The following CLMN variants were observed in gnomAD, a reference collection of about 807,000 sequenced individuals.
CLMN encodes calmin (calponin-like, transmembrane).
Under a neutral mutation model 92.7 loss-of-function variants are expected in CLMN, and 57 were observed. The observed-to-expected ratio is 0.61, with a 90% confidence interval of 0.50 to 0.77. The LOEUF (loss-of-function observed/expected upper bound fraction) is 0.77. Among genes scored for constraint, CLMN ranks in the 30% least tolerant of loss-of-function variants. The pLI is 0.00. For missense variants in CLMN, 1,158 were observed against 1,237.5 expected (o/e 0.94, Z 0.96); for synonymous variants, 466 against 470.6 (o/e 0.99, Z 0.13).
intron 1 of CLMN, among the ~76,000 whole-genome samples, chr14:95,275,479 G>A (rs773580827): frequency 3.3e-5 from 5 of 152,078 alleles, no homozygotes; most frequent in African/African-American, 7.2e-5. Context: ...CCATGACAAC[G>A]TCTGGAAGTT....
At chr14:95,283,512 A>C (rs1900219674) in intron 1 of CLMN, among the ~76,000 whole-genome samples, 1 of 152,250 alleles carries the variant, frequency 6.6e-6, no homozygotes, top group Admixed American at 6.5e-5. Context: ...GCTCCAAAGA[A>C]GACAAGACAA....
At chr14:95,207,763 G>A (rs372400355) in intron 8 of CLMN, among the ~76,000 whole-genome samples, 3 of 152,190 alleles carry the variant, frequency 2.0e-5, no homozygotes, top group South Asian at 2.1e-4. Flanking sequence ...TAAGGGGTCC[G>A]TATGTGGTGC....
At chr14:95,223,580 A>T (rs1897615113) in intron 3 of CLMN, among the ~76,000 whole-genome samples, 180 bp downstream of exon 3, 1 of 148,852 alleles carries the variant, frequency 6.7e-6, no homozygotes, top group Admixed American at 6.7e-5. Flanking sequence ...ACATTGGCTT[A>T]AAAAAAAAAG....
intron 10 of CLMN, 86 bp downstream of exon 10, chr14:95,196,412 C>T (rs918957370): frequency 4.5e-6 from 6 of 1,325,108 alleles, no homozygotes. Context: ...CATGCCTGCA[C>T]CTCCCACCCC....
At position 95,194,292 on chromosome 14, in the gene CLMN, G is replaced by A. The variant is rs1250787498; in HGVS notation, c.2769+244C>T. On this transcript the variant is annotated intron_variant, in intron 11 of 12. Coordinates refer to ENST00000298912, the MANE Select transcript of CLMN (RefSeq NM_024734.4). The surrounding 1 kb of genome is among the most constrained non-coding windows in gnomAD (Gnocchi z 4.0). ...GGGGTCCAGGTGAGGCGTTTTGGGT[G>A]CGTTTTTATAGCAAGGAGGCCTTTG... 3 of 1,410,934 alleles carry A rather than the reference G, an allele frequency of 2.1e-6. No individual in the cohort carries two copies. Among genetic ancestry groups the A allele is most frequent in the Non-Finnish European group, 2.8e-6 (3 of 1,087,260 alleles). 87.4% of individuals were successfully genotyped at this position (1,410,934 alleles called of 1,614,324 possible). A position where few individuals can be genotyped will look rare whatever the true frequency, so the allele number is the denominator to read the frequency against.
At chr14:95,282,760 G>A (rs1035142593) in intron 1 of CLMN, among the ~76,000 whole-genome samples, 2 of 152,266 alleles carry the variant, frequency 1.3e-5, no homozygotes, top group African/African-American at 2.4e-5. Context: ...TCAGAATCAG[G>A]GCCGGAAGGG....
At chr14:95,262,750 A>G (rs1050124304) in intron 1 of CLMN, among the ~76,000 whole-genome samples, 1 of 152,000 alleles carries the variant, frequency 6.6e-6, no homozygotes, top group Non-Finnish European at 1.5e-5. Context: ...TATTTTTTCT[A>G]GAAACAGGGT....
At chr14:95,279,579 C>A (rs1197310326) in intron 1 of CLMN, among the ~76,000 whole-genome samples, 2 of 152,322 alleles carry the variant, frequency 1.3e-5, no homozygotes, top group Admixed American at 6.5e-5. Flanking sequence ...GTCAGGAGAT[C>A]GAGACCATCC....
chr14:95,220,168 C>CATT (rs1897484320), intron 4 of CLMN, among the ~76,000 whole-genome samples: 1 of 85,460 alleles, frequency 1.2e-5, no homozygotes, highest in African/African-American at 4.8e-5. Context: ...TGGATAGGTC[C>CATT]CTTTTTTTTT....
chr14:95,228,494 G>A lies in CLMN; in HGVS notation c.144+1578C>T, dbSNP rs187059541. ...GTCAGGAGTGGAGGTGTGGGTGGCC[G>A]AATGCCTGCTCGGGCAATATCCTAG... On this transcript the variant is annotated intron_variant, in intron 2 of 12. Coordinates refer to ENST00000298912, the MANE Select transcript of CLMN (RefSeq NM_024734.4). Among the ~76,000 whole-genome samples, 134 of 152,316 alleles carry A rather than the reference G, an allele frequency of 8.8e-4. 1 individual carries two copies. The South Asian group carries it at 0.015, about 17-fold the overall frequency.
chr14:95,236,769 C>A (rs1898071028), intron 1 of CLMN, among the ~76,000 whole-genome samples: 1 of 152,220 alleles, frequency 6.6e-6, no homozygotes, highest in South Asian at 2.1e-4. Flanking sequence ...CAGTTCTGTA[C>A]TTGGGGCCTC....
chr14:95,243,547 C>T (rs967268481), intron 1 of CLMN, among the ~76,000 whole-genome samples: 3 of 152,090 alleles, frequency 2.0e-5, no homozygotes, highest in South Asian at 2.1e-4. Flanking sequence ...TCCTCCCTCA[C>T]CTAACCCCTA....
At chr14:95,245,816 A>G (rs564132199) in intron 1 of CLMN, among the ~76,000 whole-genome samples, 31 of 148,394 alleles carry the variant, frequency 2.1e-4, no homozygotes, top group Admixed American at 8.0e-4. Flanking sequence ...GGATGGATGG[A>G]CGGATGGATG....
chr14:95,280,536 T>TA (rs1900107513), intron 1 of CLMN, among the ~76,000 whole-genome samples: 2 of 152,212 alleles, frequency 1.3e-5, no homozygotes, highest in African/African-American at 2.4e-5. Context: ...ATAAATGACT[T>TA]ACGGTGACCT....
In CLMN at chr14:95,258,326, ATGTG is replaced by A. The variant is rs1414990208; in HGVS notation, c.83-28197_83-28194del. On this transcript the variant is annotated intron_variant, in intron 1 of 12. Coordinates refer to ENST00000298912, the MANE Select transcript of CLMN (RefSeq NM_024734.4). ...GTATGTGTGTGTGTGGGGTGTGTGT[ATGTG>A]TATGTGTGGTGTGTGGTGTATGGTA... is the stretch of plus-strand genomic sequence containing the variant. 3.1e-4 allele frequency among the ~76,000 whole-genome samples: 41 copies of A among 132,714 alleles called. No homozygotes were observed. In the Middle Eastern group the frequency reaches 0.015, roughly 50 times the overall value. 87.1% of individuals were successfully genotyped at this position (132,714 alleles called of 152,430 possible).
intron 1 of CLMN, among the ~76,000 whole-genome samples, chr14:95,245,211 T>TATATATATATATA (rs1898454095): frequency 9.2e-5 from 2 of 21,788 alleles, no homozygotes; most frequent in Non-Finnish European, 1.4e-4. Context: ...ATATATATTA[T>TATATATATATATA]ATATATATAT....
At chr14:95,306,285 G>A (rs760047798) in intron 1 of CLMN, among the ~76,000 whole-genome samples, 3 of 152,176 alleles carry the variant, frequency 2.0e-5, no homozygotes, top group Non-Finnish European at 4.4e-5. Flanking sequence ...GCTGAGGTGG[G>A]CAGATTACTT....
At chr14:95,193,980 A>G (rs1045744178) in intron 11 of CLMN, 61 bp from the exon 12 acceptor site, 3 of 1,594,278 alleles carry the variant, frequency 1.9e-6, no homozygotes, top group South Asian at 2.3e-5. Flanking sequence ...GAAATCTCTG[A>G]AACAGAAGAT....
At chr14:95,299,466 C>T (rs1217218819) in intron 1 of CLMN, among the ~76,000 whole-genome samples, 1 of 152,180 alleles carries the variant, frequency 6.6e-6, no homozygotes, top group Non-Finnish European at 1.5e-5. Flanking sequence ...TGCTAAGTGC[C>T]TATGCTGCAC....
Sources: allele counts gnomAD v4.1 joint callset (sites outside exome capture counted in the v4.1 genomes callset), GRCh38; gene constraint gnomAD v4.1.1; non-coding constraint Gnocchi (gnomAD v3.1); transcripts MANE v1.5; gene names NCBI Gene and HGNC (gene_info 2026-07-23, HGNC 2026-07-21).